Variants in TACR1 observed in about 807,000 individuals in gnomAD.
TACR1 encodes the protein tachykinin receptor 1.
Under a neutral mutation model 35.8 loss-of-function variants are expected in TACR1, and 25 were observed. The ratio of observed to expected loss-of-function variants is 0.70; its 90% CI spans 0.51 to 0.98. The LOEUF is 0.98. TACR1 is among the 50% of genes least tolerant of loss of function. The probability of loss-of-function intolerance (pLI) is 0.00; values close to 1 mark genes in which losing one functional copy is unlikely to be tolerated. For missense variants in TACR1, 478 were observed against 522.9 expected, an observed-to-expected ratio of 0.91 and a Z score of 0.84; for synonymous variants, 195 against 206.7, an observed-to-expected ratio of 0.94 and a Z score of 0.48.
chr2:75,056,772 ATTGTTATTTAT>A (rs1239796289), intron 2 of TACR1, among the ~76,000 whole-genome samples: 3 of 152,244 alleles, frequency 2.0e-5, no homozygotes, highest in Admixed American at 6.5e-5. Context: ...AGCAAAAGTT[ATTGTTATTTAT>A]TTGAAAACAA....
In TACR1 at chr2:75,051,208, G is replaced by A. The variant is rs75773298; in HGVS notation, c.932+43C>T. On this transcript the variant is annotated intron_variant, in intron 4 of 4. Transcript: ENST00000305249. ...CCGCTTGGCCACTGTGTATGTAGAT[G>A]GTCTTGTGGCCCCTGGAGAGCTCAT... 7,005 of 1,613,512 alleles carry A rather than the reference G, an allele frequency of 4.3e-3. 290 individuals carry two copies. In the African/African-American group the frequency reaches 0.084, roughly 19 times the overall value.
intron 2 of TACR1, among the ~76,000 whole-genome samples, chr2:75,064,050 C>T (rs1008151712): frequency 6.6e-6 from 1 of 151,230 alleles, no homozygotes; most frequent in African/African-American, 2.4e-5. Context: ...CCTTGGACCT[C>T]ATGGCCCCCT....
intron 2 of TACR1, among the ~76,000 whole-genome samples, chr2:75,069,392 A>G (rs957460582): frequency 2.0e-5 from 3 of 151,970 alleles, no homozygotes; most frequent in Non-Finnish European, 4.4e-5. Context: ...ATTTTAGAAT[A>G]ATTTAGATTT....
At chr2:75,086,149 C>A (rs1010875367) in intron 2 of TACR1, among the ~76,000 whole-genome samples, 1 of 152,116 alleles carries the variant, frequency 6.6e-6, no homozygotes, top group Non-Finnish European at 1.5e-5. Flanking sequence ...AGAGGAGGAA[C>A]AATTATTGGT....
At chr2:75,074,609 C>G (rs1478090399) in intron 2 of TACR1, among the ~76,000 whole-genome samples, 1 of 152,058 alleles carries the variant, frequency 6.6e-6, no homozygotes, top group East Asian at 1.9e-4. Context: ...GTAATATGAC[C>G]CAGATTTTTC....
chr2:75,140,914 A>G (rs1302078745), intron 1 of TACR1, among the ~76,000 whole-genome samples: 1 of 152,212 alleles, frequency 6.6e-6, no homozygotes, highest in African/African-American at 2.4e-5. Context: ...CCTATCCATG[A>G]TACGTGAGAA....
intron 2 of TACR1, among the ~76,000 whole-genome samples, chr2:75,081,247 C>T (rs921703465): frequency 2.0e-5 from 3 of 152,092 alleles, no homozygotes; most frequent in African/African-American, 7.2e-5. Context: ...GTATAACGGG[C>T]GTGTATTAGT....
chr2:75,094,859 A>ATATATATATATATATTT, intron 2 of TACR1, among the ~76,000 whole-genome samples: 12 of 113,100 alleles, frequency 1.1e-4, no homozygotes, highest in Middle Eastern at 4.2e-3. Flanking sequence ...ATATATATAT[A>ATATATATATATATATTT]TTTTTTTTTT....
intron 1 of TACR1, among the ~76,000 whole-genome samples, chr2:75,193,135 T>C (rs1675891005): frequency 2.0e-5 from 3 of 152,152 alleles, no homozygotes; most frequent in Admixed American, 1.3e-4. Context: ...CCAGGAAGTC[T>C]TTCCCATATT....
chr2:75,046,632 G>A lies in TACR1; in HGVS notation c.*2800C>T, dbSNP rs1287260551. On this transcript the variant is annotated 3_prime_UTR_variant, in exon 5 of 5. Coordinates refer to ENST00000305249, the MANE Select transcript of TACR1 (RefSeq NM_001058.4). ...TTCTCCAGGATTCCACTCAGTCCTT[G>A]TCTCTTAGTGTCCTGTTGGGGGATA... is the stretch of plus-strand genomic sequence containing the variant. 2 of 152,044 alleles carry A rather than the reference G, an allele frequency of 1.3e-5. No individual in the cohort carries two copies. Among genetic ancestry groups the A allele is most frequent in the East Asian group, 3.9e-4 (2 of 5,172 alleles). The allele number at this position is 152,044 out of a possible 1,614,324, so 9.4% of individuals were successfully genotyped here.
chr2:75,109,091 G>C (rs1284647661), intron 2 of TACR1, among the ~76,000 whole-genome samples: 1 of 152,208 alleles, frequency 6.6e-6, no homozygotes, highest in Admixed American at 6.5e-5. Flanking sequence ...TAAGGAACTT[G>C]CTGCAGTGCT....
chr2:75,198,480 A>T, intron 1 of TACR1, 66 bp downstream of exon 1: 1 of 1,566,122 alleles, frequency 6.4e-7, no homozygotes, highest in South Asian at 1.2e-5. Context: ...CCCAGTTCCA[A>T]ACCTCACAGC....
chr2:75,088,323 C>T (rs1673228508), intron 2 of TACR1, among the ~76,000 whole-genome samples: 1 of 151,766 alleles, frequency 6.6e-6, no homozygotes. Context: ...CCTTCCTTCC[C>T]TCTCCACGCA....
At chr2:75,153,465 C>A (rs1290534663) in intron 1 of TACR1, among the ~76,000 whole-genome samples, 1 of 152,142 alleles carries the variant, frequency 6.6e-6, no homozygotes, top group African/African-American at 2.4e-5. Context: ...TGTGAAATGT[C>A]AATATTGACT....
intron 1 of TACR1, among the ~76,000 whole-genome samples, chr2:75,175,049 C>T (rs901312270): frequency 6.6e-6 from 1 of 152,176 alleles, no homozygotes; most frequent in African/African-American, 2.4e-5. Context: ...TAACTAAAGG[C>T]CAATGAAAGT....
chr2:75,148,938 A>G (rs968347405), intron 1 of TACR1, among the ~76,000 whole-genome samples: 4 of 152,200 alleles, frequency 2.6e-5, no homozygotes, highest in Admixed American at 6.5e-5. Context: ...TTCTCTGCAT[A>G]TGGCTAGCCA....
Position 75,051,304 on chromosome 2 carries a change from C to T in TACR1, c.879G>A (p.Leu293=), listed in dbSNP as rs764731148. 6.2e-7 allele frequency: 1 copy of T among 1,614,216 alleles called. No homozygotes were observed. The highest frequency in any genetic ancestry group is 1.3e-5 in the African/African-American group (1 of 75,052). ...GGTTGTACATGGTGGAGCTCATGGCCAGCCACATGATGGCCAGGTAGACCT... is the reference window on the plus strand; with the variant it reads ...GGTTGTACATGGTGGAGCTCATGGCTAGCCACATGATGGCCAGGTAGACCT... ...IQQVYLAIMW[L]AMSSTMYNPI... The change falls in exon 4 of 5, where the codon CTG becomes CTA. Residue 293 remains leucine (L), a synonymous_variant. Coordinates refer to ENST00000305249, the MANE Select transcript of TACR1 (RefSeq NM_001058.4).
chr2:75,117,811 A>G (rs1255281888), intron 2 of TACR1, among the ~76,000 whole-genome samples: 1 of 152,224 alleles, frequency 6.6e-6, no homozygotes, highest in East Asian at 1.9e-4. Flanking sequence ...TGACTATCTC[A>G]TGTAATTTAT....
intron 1 of TACR1, among the ~76,000 whole-genome samples, chr2:75,131,479 G>A (rs182636653): frequency 3.9e-5 from 6 of 152,174 alleles, no homozygotes; most frequent in African/African-American, 1.4e-4. Context: ...GTTATCATGG[G>A]TCCATTTCAA....
Sources: allele counts gnomAD v4.1 joint callset (sites outside exome capture counted in the v4.1 genomes callset), GRCh38; gene constraint gnomAD v4.1.1; transcripts MANE v1.5; gene names NCBI Gene and HGNC (gene_info 2026-07-23, HGNC 2026-07-21).